The following SYNDIG1 variants were observed in gnomAD, a reference collection of about 807,000 sequenced individuals.
SYNDIG1 encodes the protein synapse differentiation-inducing gene protein 1.
SYNDIG1 carries 9 observed loss-of-function variants against 19.4 expected under a neutral mutation model. The observed-to-expected ratio is 0.46, with a 90% confidence interval of 0.28 to 0.81. SYNDIG1 has a LOEUF of 0.81. SYNDIG1 is among the 30% of genes least tolerant of loss of function. SYNDIG1 has a pLI of 0.12. For synonymous variants in SYNDIG1, 141 were observed against 145.9 expected, an observed-to-expected ratio of 0.97 and a Z score of 0.24; for missense variants, 311 against 343.3, an observed-to-expected ratio of 0.91 and a Z score of 0.74.
intron 3 of SYNDIG1, among the ~76,000 whole-genome samples, chr20:24,628,521 G>A (rs1330344191): frequency 6.6e-6 from 1 of 152,350 alleles, no homozygotes. Context: ...GGAGGAAAGC[G>A]TGGCATGGAC....
intron 1 of SYNDIG1, among the ~76,000 whole-genome samples, chr20:24,487,692 G>A (rs1049257835): frequency 1.3e-5 from 2 of 152,128 alleles, no homozygotes; most frequent in African/African-American, 2.4e-5. Flanking sequence ...CCTTCCTTCT[G>A]GAATATTTGG....
At chr20:24,497,561 G>A (rs142294056) in intron 1 of SYNDIG1, among the ~76,000 whole-genome samples, 24 of 152,286 alleles carry the variant, frequency 1.6e-4, no homozygotes, top group East Asian at 3.9e-4. Context: ...AGATTTCAGC[G>A]CAGTTGGGGT....
chr20:24,619,718 T>C (rs1387147072), intron 3 of SYNDIG1, among the ~76,000 whole-genome samples: 1 of 152,258 alleles, frequency 6.6e-6, no homozygotes, highest in Admixed American at 6.5e-5. Context: ...ATCTTCATGA[T>C]GTTATTAGAC....
At chr20:24,651,057 C>T (rs2059468000) in intron 3 of SYNDIG1, among the ~76,000 whole-genome samples, 1 of 152,128 alleles carries the variant, frequency 6.6e-6, no homozygotes, top group Non-Finnish European at 1.5e-5. Flanking sequence ...TGGGTAGTCT[C>T]GAACTCCTGA....
chr20:24,567,991 G>A (rs901961202), intron 2 of SYNDIG1, among the ~76,000 whole-genome samples: 7 of 151,958 alleles, frequency 4.6e-5, no homozygotes, highest in Admixed American at 2.6e-4. Flanking sequence ...AAAATTAGCC[G>A]GACATGATGG....
intron 3 of SYNDIG1, among the ~76,000 whole-genome samples, chr20:24,661,217 G>A (rs2059582194): frequency 6.6e-6 from 1 of 152,034 alleles, no homozygotes; most frequent in Admixed American, 6.5e-5. Flanking sequence ...CCATCCTAGG[G>A]TGTGTCTCTT....
At chr20:24,606,950 A>T (rs1336628416) in intron 3 of SYNDIG1, among the ~76,000 whole-genome samples, 1 of 152,244 alleles carries the variant, frequency 6.6e-6, no homozygotes, top group East Asian at 1.9e-4. Context: ...AGTACTGTCA[A>T]TAGGGAGTTT....
intron 1 of SYNDIG1, among the ~76,000 whole-genome samples, chr20:24,508,245 T>TG (rs1160613175): frequency 1.4e-5 from 2 of 143,458 alleles, no homozygotes; most frequent in East Asian, 2.0e-4. Flanking sequence ...TTTTTTTTTT[T>TG]TGTGACAGAG....
chr20:24,652,165 G>A (rs943467128), intron 3 of SYNDIG1, among the ~76,000 whole-genome samples: 1 of 152,214 alleles, frequency 6.6e-6, no homozygotes, highest in African/African-American at 2.4e-5. Flanking sequence ...AATGATGCAT[G>A]AGCACTCGGG....
intron 2 of SYNDIG1, among the ~76,000 whole-genome samples, chr20:24,577,247 A>G (rs142978206): frequency 1.2e-3 from 180 of 152,272 alleles, no homozygotes; most frequent in African/African-American, 4.2e-3. Context: ...ACGTGACCTG[A>G]CTTCAAGTAA....
chr20:24,473,148 A>G (rs2055518692), intron 1 of SYNDIG1, among the ~76,000 whole-genome samples: 1 of 152,210 alleles, frequency 6.6e-6, no homozygotes, highest in Non-Finnish European at 1.5e-5. Flanking sequence ...TAAAGGTGAC[A>G]AGGACTGAAG....
intron 3 of SYNDIG1, chr20:24,596,711 T>G (rs2058601266): frequency 6.6e-6 from 1 of 152,256 alleles, no homozygotes; most frequent in Non-Finnish European, 1.5e-5. Flanking sequence ...TGACTCGTGG[T>G]GTTTTACCTA....
intron 2 of SYNDIG1, among the ~76,000 whole-genome samples, chr20:24,584,107 C>T (rs2058373236): frequency 6.6e-6 from 1 of 152,166 alleles, no homozygotes; most frequent in African/African-American, 2.4e-5. Context: ...CCAGCACACC[C>T]CTTCTCCATC....
intron 3 of SYNDIG1, among the ~76,000 whole-genome samples, chr20:24,587,746 G>A (rs1216352834): frequency 1.3e-5 from 2 of 152,214 alleles, no homozygotes; most frequent in African/African-American, 4.8e-5. Context: ...GGGTCAAGGG[G>A]ATGATGCACC....
chr20:24,497,171 CTTTT>C (rs567175249), intron 1 of SYNDIG1, among the ~76,000 whole-genome samples: 1 of 151,928 alleles, frequency 6.6e-6, no homozygotes, highest in Non-Finnish European at 1.5e-5. Context: ...TTTTTCTTTT[CTTTT>C]GTTTGTTTGT....
At chr20:24,564,989 G>A (rs963695227) in intron 2 of SYNDIG1, among the ~76,000 whole-genome samples, 1 of 152,194 alleles carries the variant, frequency 6.6e-6, no homozygotes, top group Non-Finnish European at 1.5e-5. Context: ...CCTCTGTCCA[G>A]CTTAAAGAAT....
At position 24,553,234 on chromosome 20, in the gene SYNDIG1, C is replaced by T. The variant is rs1223326261; in HGVS notation, c.480+9657C>T. ...AGCCCTTTGTCAGATGAGCAGGTTG[C>T]GAAAATTTTCTCCCATTTTGTAGGT... is the stretch of plus-strand genomic sequence containing the variant. On this transcript the variant is annotated intron_variant, in intron 2 of 3. Coordinates refer to ENST00000376862, the MANE Select transcript of SYNDIG1 (RefSeq NM_024893.3). Among the ~76,000 whole-genome samples, 12 of 151,918 alleles carry T rather than the reference C, an allele frequency of 7.9e-5. No individual in the cohort carries two copies. In the South Asian group the frequency reaches 1.0e-3, roughly 13 times the overall value.
chr20:24,541,257 A>G (rs1474082445), intron 1 of SYNDIG1, among the ~76,000 whole-genome samples: 1 of 152,232 alleles, frequency 6.6e-6, no homozygotes, highest in African/African-American at 2.4e-5. Context: ...AAAAAAATGT[A>G]TATGTGTTTA....
chr20:24,633,147 A>G (rs1207668040), intron 3 of SYNDIG1, among the ~76,000 whole-genome samples: 1 of 152,130 alleles, frequency 6.6e-6, no homozygotes, highest in African/African-American at 2.4e-5. Context: ...CTGCCATGCT[A>G]AACACTTAGT....
Sources: allele counts gnomAD v4.1 joint callset (sites outside exome capture counted in the v4.1 genomes callset), GRCh38; gene constraint gnomAD v4.1.1; transcripts MANE v1.5; gene names NCBI Gene and HGNC (gene_info 2026-07-23, HGNC 2026-07-21).